The following PHC3 variants were observed in gnomAD, a reference collection of about 807,000 sequenced individuals.
PHC3 encodes polyhomeotic-like protein 3.
In PHC3, 13 loss-of-function variants were observed where a neutral mutation model predicts 107.4. The ratio of observed to expected loss-of-function variants is 0.12; its 90% CI spans 0.08 to 0.19. The LOEUF (loss-of-function observed/expected upper bound fraction) is 0.19, where lower values mean the gene tolerates loss of function less well. PHC3 is among the 10% of genes least tolerant of loss of function. The pLI is 1.00. For synonymous variants in PHC3, 456 were observed against 427.4 expected (o/e 1.07, Z -0.83); for missense variants, 992 against 1,210.9 (o/e 0.82, Z 2.68).
At position 170,108,351 on chromosome 3, in the gene PHC3, A is replaced by C. The variant is rs77673479; in HGVS notation, c.2354-1405T>G. Among the ~76,000 whole-genome samples the C allele has an allele frequency of 8.2e-3, 1,244 of 152,312 alleles. 19 individuals are homozygous for C. Among genetic ancestry groups the C allele is most frequent in the African/African-American group, 0.028 (1,178 of 41,572 alleles). ...CACATTACCTCAGTTTTACTGGGGA[A>C]GCAGATGGCAAAGTGCTAAATTAAG... On this transcript the variant is annotated intron_variant, in intron 11 of 14. Coordinates refer to ENST00000495893, the MANE Select transcript of PHC3 (RefSeq NM_024947.4).
intron 4 of PHC3, among the ~76,000 whole-genome samples, chr3:170,167,759 C>CAAA (rs5854368): frequency 1.3e-4 from 17 of 132,402 alleles, no homozygotes; most frequent in East Asian, 4.5e-4. Flanking sequence ...GGCTTCATCT[C>CAAA]AAAAAAAAAA....
At chr3:170,103,588 T>C (rs1413109999) in intron 12 of PHC3, among the ~76,000 whole-genome samples, 1 of 152,244 alleles carries the variant, frequency 6.6e-6, no homozygotes, top group Admixed American at 6.5e-5. Flanking sequence ...TAAGACATGA[T>C]GACAGCTTAA....
chr3:170,134,784 A>G (rs1487592944), intron 7 of PHC3, among the ~76,000 whole-genome samples: 2 of 152,240 alleles, frequency 1.3e-5, no homozygotes, highest in African/African-American at 4.8e-5. Flanking sequence ...TGCCTCACAC[A>G]TACATAAATG....
chr3:170,108,237 CTA>C (rs1477214715), intron 11 of PHC3, among the ~76,000 whole-genome samples: 1 of 152,104 alleles, frequency 6.6e-6, no homozygotes, highest in Non-Finnish European at 1.5e-5. Flanking sequence ...TGTGCTCTTT[CTA>C]TGTTACTCAT....
chr3:170,157,624 A>C (rs1368839594), intron 4 of PHC3, among the ~76,000 whole-genome samples: 1 of 152,178 alleles, frequency 6.6e-6, no homozygotes, highest in African/African-American at 2.4e-5. Context: ...GAGATAATAG[A>C]GGATGAGGAC....
In PHC3 at chr3:170,088,902, A is replaced by G. The variant is rs1018194388; in HGVS notation, c.*8328T>C. On this transcript the variant is annotated 3_prime_UTR_variant, in exon 15 of 15. Transcript: ENST00000495893. ...TGCAACAGGCTAGGCGCAGTGGCTCATGCCTATAATCCCGGCACTTTGGGA... is the reference window on the plus strand; with the variant it reads ...TGCAACAGGCTAGGCGCAGTGGCTCGTGCCTATAATCCCGGCACTTTGGGA... 1 of 152,346 alleles carries G rather than the reference A, an allele frequency of 6.6e-6. No homozygotes were observed. The highest frequency in any genetic ancestry group is 1.5e-5 in the Non-Finnish European group (1 of 68,084). 9.4% of individuals were successfully genotyped at this position (152,346 alleles called of 1,614,324 possible).
intron 8 of PHC3, among the ~76,000 whole-genome samples, chr3:170,127,849 T>G (rs1206150226): frequency 6.6e-6 from 1 of 152,198 alleles, no homozygotes; most frequent in East Asian, 1.9e-4. Context: ...AGAGAATGTT[T>G]AAAGAAAAGT....
In PHC3 at chr3:170,120,665, G is replaced by T. The variant is rs535995381; in HGVS notation, c.1942+1926C>A. Among the ~76,000 whole-genome samples the T allele has an allele frequency of 2.0e-5, 3 of 152,192 alleles. No individual in the cohort carries two copies. In the South Asian group the frequency reaches 6.2e-4, roughly 32 times the overall value. On this transcript the variant is annotated intron_variant, in intron 9 of 14. Coordinates refer to ENST00000495893, the MANE Select transcript of PHC3 (RefSeq NM_024947.4). ...TTTTCAGGAGGAGGAAAAGATAAAAGAAAATTAAATTTCCCCTTTTATGCT... is the reference window on the plus strand; with the variant it reads ...TTTTCAGGAGGAGGAAAAGATAAAATAAAATTAAATTTCCCCTTTTATGCT...
At chr3:170,170,378 C>G (rs1269698596) in intron 4 of PHC3, 1 of 149,496 alleles carries the variant, frequency 6.7e-6, no homozygotes, top group Non-Finnish European at 1.5e-5. Flanking sequence ...CTGCCGGCAT[C>G]TAGTAGCCAG....
rs1367088259 is a variant in PHC3, at chr3:170,129,151, C to G, written c.1321G>C (p.Ala441Pro). ...TGCAAATTTGGCCCTGGCTGGAGAG[C>G]TGATGACACAAGAGGGTGTGGCTGA... ...LIQPHPLVSS[A>P]LQPGPNLQQS... is the part of the protein sequence containing the mutation. The change falls in exon 8 of 15, where the codon GCT (alanine) becomes CCT (proline). Residue 441 changes from alanine (A) to proline (P), a missense_variant. Around this residue, in one of 6 missense-constraint regions of PHC3, gnomAD observed 543 missense variants for 590.8 expected, o/e 0.92. Coordinates refer to ENST00000495893, the MANE Select transcript of PHC3 (RefSeq NM_024947.4). The G allele has an allele frequency of 2.5e-6, 4 of 1,613,826 alleles. No homozygotes were observed. In the South Asian group the frequency reaches 3.3e-5, roughly 13 times the overall value.
chr3:170,118,339 A>AG (rs1412697722), intron 9 of PHC3, among the ~76,000 whole-genome samples: 1 of 152,162 alleles, frequency 6.6e-6, no homozygotes, highest in Admixed American at 6.5e-5. Context: ...TCAACCTCCC[A>AG]GGCTCAGGTG....
chr3:170,158,029 CAAT>C (rs1189885076), intron 4 of PHC3, among the ~76,000 whole-genome samples: 1 of 151,678 alleles, frequency 6.6e-6, no homozygotes, highest in Non-Finnish European at 1.5e-5. Flanking sequence ...ATAAAGAAGA[CAAT>C]AAAGAAACAA....
At chr3:170,158,714 C>T (rs532141057) in intron 4 of PHC3, among the ~76,000 whole-genome samples, 1 of 151,572 alleles carries the variant, frequency 6.6e-6, no homozygotes, top group South Asian at 2.1e-4. Flanking sequence ...ATCACTTGAG[C>T]TCAGGAGTTC....
chr3:170,107,008 T>A, intron 11 of PHC3, 62 bp from the exon 12 acceptor site: 3 of 1,238,472 alleles, frequency 2.4e-6, no homozygotes, highest in Non-Finnish European at 3.4e-6. Flanking sequence ...AAATTTTCTT[T>A]AAGTCTATAC....
At chr3:170,181,617 G>T in intron 1 of PHC3, 85 bp downstream of exon 1, 1 of 1,592,966 alleles carries the variant, frequency 6.3e-7, no homozygotes. Flanking sequence ...CCGCAAAAGA[G>T]CCCTGAGCTT....
At chr3:170,122,898 C>T (rs994558584) in intron 8 of PHC3, among the ~76,000 whole-genome samples, 154 bp from the exon 9 acceptor site, 13 of 152,228 alleles carry the variant, frequency 8.5e-5, no homozygotes, top group Admixed American at 2.6e-4. Flanking sequence ...TTAAAAATTG[C>T]TCGAATGAAG....
Position 170,102,811 on chromosome 3 carries a change from G to A in PHC3, c.2592C>T (p.Ile864=), listed in dbSNP as rs1278774937. The change falls in exon 13 of 15, where the codon ATC becomes ATT. Residue 864 remains isoleucine (I), a synonymous_variant. Coordinates refer to ENST00000495893, the MANE Select transcript of PHC3 (RefSeq NM_024947.4). ...CAAGGTTTATACAGACCTGCCTAAG[G>A]ATATGTTCTCTCGCTGCCCCATCAG... ...SGPDGAAREH[I]LRQLPITYPS... is the part of the protein sequence containing the mutation. 14 of 1,613,800 alleles carry A rather than the reference G, an allele frequency of 8.7e-6. No homozygotes were observed. Among genetic ancestry groups the A allele is most frequent in the Non-Finnish European group, 1.0e-5 (12 of 1,179,864 alleles).
rs1714274066 is a variant in PHC3 at position 170,093,082 on chromosome 3, G to C, written c.*4148C>G. ...CCTAGAAAACCTTCCTTAGGGCCCA[G>C]CTAGTTACATATGTAGTACACAAGA... On this transcript the variant is annotated 3_prime_UTR_variant, in exon 15 of 15. Transcript: ENST00000495893. 6.6e-6 allele frequency: 1 copy of C among 152,138 alleles called. No homozygotes were observed. The highest frequency in any genetic ancestry group is 2.1e-4 in the South Asian group (1 of 4,816). The allele number at this position is 152,138 out of a possible 1,614,324, so 9.4% of individuals were successfully genotyped here.
At position 170,178,876 on chromosome 3, in the gene PHC3, G is replaced by C. The variant is rs1314013531; in HGVS notation, c.77C>G (p.Thr26Arg). Residue 26 changes from threonine (T) to arginine (R), a missense_variant, in exon 2 of 15, where the codon ACA (threonine) becomes AGA (arginine). Physicochemically the swap from Thr to Arg is moderately conservative, Grantham distance 71 (BLOSUM62 -1). This residue lies in a region of PHC3 where 161 missense variants were observed against 183.7 expected (regional missense o/e 0.88). Coordinates refer to ENST00000495893, the MANE Select transcript of PHC3 (RefSeq NM_024947.4). ...EPNPGTSSVS[T>R]TTSSTTTTTI... ...GGTGGTGGTGGTACTGCTGGTTGTTGTTGACACAGAAGATGTTCCCGGGTT... is the reference window on the plus strand; with the variant it reads ...GGTGGTGGTGGTACTGCTGGTTGTTCTTGACACAGAAGATGTTCCCGGGTT... The C allele has an allele frequency of 6.2e-7, 1 of 1,613,968 alleles. No individual in the cohort carries two copies. Among genetic ancestry groups the C allele is most frequent in the African/African-American group, 1.3e-5 (1 of 75,048 alleles).
Sources: gnomAD v4.1 joint callset for allele counts (sites outside exome capture counted in the v4.1 genomes callset) on GRCh38, gnomAD v4.1.1 for gene constraint, gnomAD v4.1.1 regional missense constraint, MANE v1.5 for transcripts, NCBI Gene and HGNC (gene_info 2026-07-23, HGNC 2026-07-21) for gene names.